Variants in MAML3 observed in about 807,000 individuals in gnomAD.
The protein encoded by MAML3 is mastermind like transcriptional coactivator 3, also known as mastermind-like protein 3.
A neutral mutation model predicts 101.9 loss-of-function variants in MAML3; 27 were observed. The ratio of observed to expected loss-of-function variants is 0.27; its 90% CI spans 0.20 to 0.37. The LOEUF (loss-of-function observed/expected upper bound fraction) is 0.37. MAML3 is among the 10% of genes least tolerant of loss of function. The probability of loss-of-function intolerance (pLI) is 1.00; values close to 1 mark genes in which losing one functional copy is unlikely to be tolerated. For missense variants in MAML3, 1,316 were observed against 1,444.9 expected (o/e 0.91, Z 1.45); for synonymous variants, 501 against 555.9 (o/e 0.90, Z 1.39).
intron 2 of MAML3, among the ~76,000 whole-genome samples, chr4:139,795,129 T>C (rs1364848874): frequency 6.6e-6 from 1 of 152,218 alleles, no homozygotes; most frequent in Non-Finnish European, 1.5e-5. Context: ...TCTGTCAGCA[T>C]GTCAATAACC....
chr4:139,859,775 C>T (rs1357482823), intron 2 of MAML3, among the ~76,000 whole-genome samples: 2 of 152,184 alleles, frequency 1.3e-5, no homozygotes, highest in Non-Finnish European at 2.9e-5. Context: ...TTGTAATTAG[C>T]TGAGAACTAA....
rs1221080251 is a variant in MAML3, at chr4:139,802,101, G to A, written c.2080-71434C>T. ...GGCAACAGACTACTTCTAAATTCCA[G>A]AGTCTAGTGAAGGGGGAGAGCTCTA... On this transcript the variant is annotated intron_variant, in intron 2 of 4. Transcript: ENST00000509479. 3.9e-5 allele frequency among the ~76,000 whole-genome samples: 6 copies of A among 152,126 alleles called. No homozygotes were observed. The East Asian group carries it at 7.7e-4, about 20-fold the overall frequency.
intron 1 of MAML3, among the ~76,000 whole-genome samples, chr4:140,112,404 T>C (rs1728452786): frequency 6.6e-6 from 1 of 152,194 alleles, no homozygotes; most frequent in South Asian, 2.1e-4. Context: ...GACTTGGTGG[T>C]TTCCAATATA....
chr4:139,943,797 T>C (rs1221212797), intron 1 of MAML3, among the ~76,000 whole-genome samples: 1 of 151,950 alleles, frequency 6.6e-6, no homozygotes, highest in Non-Finnish European at 1.5e-5. Flanking sequence ...GATCTGTTGA[T>C]TATCCACTAT....
intron 2 of MAML3, among the ~76,000 whole-genome samples, chr4:139,780,232 C>T (rs1377666433): frequency 6.6e-6 from 1 of 152,208 alleles, no homozygotes; most frequent in Non-Finnish European, 1.5e-5. Context: ...CAGAAAGTTC[C>T]ATTGGACGGC....
rs547515773 is a variant in MAML3, at chr4:139,854,877, C to G, written c.2079+34480G>C. ...AGGATATCCTGCTGTGCTGATGGCC[C>G]CAGCCTGGTTGTGGAATCTGAGCCT... On this transcript the variant is annotated intron_variant, in intron 2 of 4. Transcript: ENST00000509479. 4.0e-5 allele frequency among the ~76,000 whole-genome samples: 5 copies of G among 125,570 alleles called. No homozygotes were observed. In the Admixed American group the frequency reaches 4.1e-4, roughly 10 times the overall value. 82.4% of individuals were successfully genotyped at this position (125,570 alleles called of 152,430 possible).
chr4:139,940,953 A>C (rs1733586218), intron 1 of MAML3, among the ~76,000 whole-genome samples: 1 of 152,188 alleles, frequency 6.6e-6, no homozygotes, highest in Non-Finnish European at 1.5e-5. Context: ...TTGTCCTATA[A>C]TCTATGTTAA....
At chr4:139,904,390 C>T (rs1053757809) in intron 1 of MAML3, among the ~76,000 whole-genome samples, 1 of 152,238 alleles carries the variant, frequency 6.6e-6, no homozygotes, top group Non-Finnish European at 1.5e-5. Flanking sequence ...TGAACATCTA[C>T]TGGGTGCTGG....
intron 2 of MAML3, among the ~76,000 whole-genome samples, chr4:139,832,135 TTC>T (rs529511095): frequency 1.4e-5 from 2 of 141,896 alleles, no homozygotes; most frequent in African/African-American, 2.6e-5. Flanking sequence ...GACAGAGTCT[TTC>T]TCTGTTACTC....
chr4:139,729,156 C>CAAAAAGAAAAAAAAAG (rs1728597449), intron 3 of MAML3, among the ~76,000 whole-genome samples: 1 of 81,704 alleles, frequency 1.2e-5, no homozygotes, highest in African/African-American at 4.8e-5. Context: ...GGAACAAAAG[C>CAAAAAGAAAAAAAAAG]AAAAAAAAAA....
chr4:139,719,708 A>C lies in MAML3; in HGVS notation c.3032T>G (p.Val1011Gly). The C allele has an allele frequency of 6.2e-7, 1 of 1,613,704 alleles. No individual in the cohort carries two copies. The highest frequency in any genetic ancestry group is 8.5e-7 in the Non-Finnish European group (1 of 1,179,820). The change falls in exon 5 of 5, where the codon GTG (valine) becomes GGG (glycine). Residue 1011 changes from valine to glycine, a missense_variant. Val to Gly is a moderately radical substitution (Grantham distance 109). Coordinates refer to ENST00000509479, the MANE Select transcript of MAML3 (RefSeq NM_018717.5). ...HFPQGLSQSVVDANTGTVRTL... is the reference protein window; with the variant it reads ...HFPQGLSQSVGDANTGTVRTL... Reference sequence around the variant, plus strand: ...CCTCACTGTGCCCGTGTTAGCATCCACGACTGACTGGCTCAGTCCCTGTGG... The same window carrying C: ...CCTCACTGTGCCCGTGTTAGCATCCCCGACTGACTGGCTCAGTCCCTGTGG...
At chr4:139,972,854 A>AT (rs1243802672) in intron 1 of MAML3, among the ~76,000 whole-genome samples, 1 of 152,230 alleles carries the variant, frequency 6.6e-6, no homozygotes, top group Non-Finnish European at 1.5e-5. Context: ...GGAGCAAAAC[A>AT]ATAACAATCA....
At chr4:139,918,321 C>A (rs1019291003) in intron 1 of MAML3, among the ~76,000 whole-genome samples, 1 of 152,134 alleles carries the variant, frequency 6.6e-6, no homozygotes, top group Non-Finnish European at 1.5e-5. Context: ...TCCTTCATAC[C>A]CTTCTCCCCT....
intron 2 of MAML3, among the ~76,000 whole-genome samples, chr4:139,767,348 C>T (rs149688581): frequency 2.6e-5 from 4 of 152,302 alleles, no homozygotes; most frequent in Admixed American, 6.5e-5. Context: ...GCTAACATCT[C>T]GTCACAGATC....
intron 1 of MAML3, among the ~76,000 whole-genome samples, chr4:139,953,893 T>C (rs748629216): frequency 6.6e-6 from 1 of 152,224 alleles, no homozygotes; most frequent in African/African-American, 2.4e-5. Context: ...AGGAGGCTGA[T>C]AGCAGAGAGG....
intron 4 of MAML3, among the ~76,000 whole-genome samples, chr4:139,721,905 G>C (rs562684319): frequency 6.6e-6 from 1 of 152,194 alleles, no homozygotes; most frequent in Non-Finnish European, 1.5e-5. Flanking sequence ...ATTTTTATCG[G>C]CTGCATGGCC....
At chr4:140,080,680 C>T (rs1039486883) in intron 1 of MAML3, among the ~76,000 whole-genome samples, 3 of 149,622 alleles carry the variant, frequency 2.0e-5, no homozygotes, top group Non-Finnish European at 4.5e-5. Context: ...ATGAAAACTT[C>T]CCGTTGTTCG....
At chr4:140,070,910 T>C (rs1173244041) in intron 1 of MAML3, among the ~76,000 whole-genome samples, 3 of 152,202 alleles carry the variant, frequency 2.0e-5, no homozygotes, top group Non-Finnish European at 2.9e-5. Context: ...ACCTCCTCTG[T>C]GCTAATAACC....
At chr4:139,949,162 C>T (rs946267536) in intron 1 of MAML3, among the ~76,000 whole-genome samples, 6 of 152,050 alleles carry the variant, frequency 3.9e-5, no homozygotes, top group Non-Finnish European at 8.8e-5. Flanking sequence ...ACTACAGGCA[C>T]GCGGCACGAC....
Sources: gnomAD v4.1 joint callset for allele counts (sites outside exome capture counted in the v4.1 genomes callset) on GRCh38, gnomAD v4.1.1 for gene constraint, MANE v1.5 for transcripts, NCBI Gene and HGNC (gene_info 2026-07-23, HGNC 2026-07-21) for gene names.